The following STK25 variants were observed in gnomAD, a reference collection of about 807,000 sequenced individuals.
STK25 encodes serine/threonine kinase 25.
Under a neutral mutation model 53.8 loss-of-function variants are expected in STK25, and 29 were observed. The ratio of observed to expected loss-of-function variants is 0.54; its 90% CI spans 0.40 to 0.74. The LOEUF (loss-of-function observed/expected upper bound fraction) is 0.74. STK25 is among the 30% of genes least tolerant of loss of function. STK25 has a pLI of 0.00. For synonymous variants in STK25, 247 were observed against 238.3 expected (o/e 1.04, Z -0.33); for missense variants, 420 against 568.0 (o/e 0.74, Z 2.65).
At chr2:241,506,524 T>C (rs554564653) in intron 2 of STK25, among the ~76,000 whole-genome samples, 1 of 152,306 alleles carries the variant, frequency 6.6e-6, no homozygotes, top group South Asian at 2.1e-4. Context: ...TCCCAGCACG[T>C]TGGGAGGCCA....
intron 2 of STK25, among the ~76,000 whole-genome samples, chr2:241,505,436 TGAGA>T (rs2065765599): frequency 6.6e-6 from 1 of 152,174 alleles, no homozygotes; most frequent in African/African-American, 2.4e-5. Flanking sequence ...TAAGGTGGCC[TGAGA>T]GAGGGCCTGG....
chr2:241,506,644 G>A (rs1312429788), intron 2 of STK25, among the ~76,000 whole-genome samples: 2 of 152,188 alleles, frequency 1.3e-5, no homozygotes, highest in East Asian at 1.9e-4. Context: ...GCGCATGCCT[G>A]TAATCCAAGC....
rs754098632 is a variant in STK25 at position 241,493,382 on chromosome 2, C to T, written c.*2280G>A. On this transcript the variant is annotated 3_prime_UTR_variant, in exon 12 of 12. Transcript: ENST00000316586. ...ATGGCATACACAAAGACTATGTTTTCAAGCTCCAGTTCAAATCCCACGTCT... is the reference window on the plus strand; with the variant it reads ...ATGGCATACACAAAGACTATGTTTTTAAGCTCCAGTTCAAATCCCACGTCT... 1 of 1,614,002 alleles carries T rather than the reference C, an allele frequency of 6.2e-7. No homozygotes were observed. The highest frequency in any genetic ancestry group is 1.1e-5 in the South Asian group (1 of 91,086).
At chr2:241,498,912 G>A (rs761390024) in intron 7 of STK25, 77 bp downstream of exon 7, 3 of 1,609,422 alleles carry the variant, frequency 1.9e-6, no homozygotes, top group Non-Finnish European at 2.5e-6. Flanking sequence ...GGGCCTCCGG[G>A]CTGTGCCGCC....
chr2:241,495,241 A>T lies in STK25; in HGVS notation c.*421T>A, dbSNP rs879698356. ...GCCCCGGGAGGACAGCGGCCAGGACACTCCTCTGGGGGCTGCCCTGTTGCC... is the reference window on the plus strand; with the variant it reads ...GCCCCGGGAGGACAGCGGCCAGGACTCTCCTCTGGGGGCTGCCCTGTTGCC... On this transcript the variant is annotated 3_prime_UTR_variant, in exon 12 of 12. Transcript: ENST00000316586. The T allele has an allele frequency of 5.7e-6, 1 of 175,772 alleles. No homozygotes were observed. The highest frequency in any genetic ancestry group is 1.5e-4 in the East Asian group (1 of 6,562). 10.9% of individuals were successfully genotyped at this position (175,772 alleles called of 1,614,324 possible).
chr2:241,505,645 C>CA (rs2065779217), intron 2 of STK25, among the ~76,000 whole-genome samples: 1 of 152,210 alleles, frequency 6.6e-6, no homozygotes, highest in Admixed American at 6.5e-5. Flanking sequence ...CCTGGGTGGG[C>CA]ACTCAGACCT....
Position 241,499,566 on chromosome 2 carries a change from CAGGGCCACCT to C in STK25, c.428-162_428-153del. 4.0e-6 allele frequency: 4 copies of C among 1,008,718 alleles called. No homozygotes were observed. The South Asian group carries it at 6.8e-5, about 17-fold the overall frequency. The allele number at this position is 1,008,718 out of a possible 1,614,324, so 62.5% of individuals were successfully genotyped here. ...CAGCCCTCCTTGCCACTCTCAAACC[CAGGGCCACCT>C]AGGGCCACAGGGGCACTGCCAGCAG... On this transcript the variant is annotated intron_variant, in intron 5 of 11. Transcript: ENST00000316586.
At position 241,499,511 on chromosome 2, in the gene STK25, TAGGGCACAGC is replaced by T. The variant is rs2065377852; in HGVS notation, c.428-107_428-98del. ...CCAGGGTACCATCCACCTGGCCTCC[TAGGGCACAGC>T]AGGGCTGTCCTCAGGACCTCAGCCC... is the stretch of plus-strand genomic sequence containing the variant. On this transcript the variant is annotated intron_variant, in intron 5 of 11. Transcript: ENST00000316586. The T allele has an allele frequency of 5.4e-6, 8 of 1,470,094 alleles. No individual in the cohort carries two copies. In the Admixed American group the frequency reaches 1.6e-4, roughly 30 times the overall value. 91.1% of individuals were successfully genotyped at this position (1,470,094 alleles called of 1,614,324 possible).
At position 241,499,302 on chromosome 2, in the gene STK25, G is replaced by T. The variant is rs1437850863; in HGVS notation, c.540C>A (p.Phe180Leu). 1 of 1,613,958 alleles carries T rather than the reference G, an allele frequency of 6.2e-7. No individual in the cohort carries two copies. The highest frequency in any genetic ancestry group is 8.5e-7 in the Non-Finnish European group (1 of 1,180,016). ...GCTTGATGACCTCAGGTGCCATCCA[G>T]AAGGGGGTGCCCACGAATGTGTTCC... ...IKRNTFVGTP[F>L]WMAPEVIKQS... The change falls in exon 6 of 12, where the codon TTC becomes TTA. Residue 180 changes from phenylalanine to leucine, a missense_variant. Physicochemically the swap from Phe to Leu is conservative, Grantham distance 22. Coordinates refer to ENST00000316586, the MANE Select transcript of STK25 (RefSeq NM_001271977.2).
intron 2 of STK25, among the ~76,000 whole-genome samples, chr2:241,505,894 G>C (rs1157261909): frequency 7.4e-5 from 10 of 134,282 alleles, no homozygotes; most frequent in Admixed American, 7.2e-4. Context: ...TGGCCTGGAT[G>C]ATCACTCGGG....
At chr2:241,508,236 C>G (rs1322460951) in intron 1 of STK25, 101 bp from the exon 2 acceptor site, 1 of 1,313,522 alleles carries the variant, frequency 7.6e-7, no homozygotes, top group African/African-American at 1.6e-5. Flanking sequence ...AGGAGACCCC[C>G]CAGGCCGCCG....
intron 9 of STK25, 110 bp from the exon 10 acceptor site, chr2:241,497,797 T>C: frequency 8.8e-7 from 1 of 1,141,290 alleles, no homozygotes; most frequent in Non-Finnish European, 1.3e-6. Flanking sequence ...GGGAGCAGCC[T>C]GTCGGGGCAC....
chr2:241,508,285 G>C, intron 1 of STK25, 150 bp from the exon 2 acceptor site: 1 of 1,270,750 alleles, frequency 7.9e-7, no homozygotes, highest in African/African-American at 1.6e-5. Flanking sequence ...CAGGCTCCCG[G>C]GGGCTCGCCG....
chr2:241,498,252 G>A lies in STK25; in HGVS notation c.1015C>T (p.Leu339=), dbSNP rs778144128. The A allele has an allele frequency of 6.2e-7, 1 of 1,612,666 alleles. No homozygotes were observed. Among genetic ancestry groups the A allele is most frequent in the Non-Finnish European group, 8.5e-7 (1 of 1,178,950 alleles). The change falls in exon 9 of 12, where the codon CTG becomes TTG. Residue 339 remains leucine (L), a synonymous_variant. Coordinates refer to ENST00000316586, the MANE Select transcript of STK25 (RefSeq NM_001271977.2). ...GAACAGACCTTCTGTGAACTGTGCA[G>A]GGCCGTCCCCTTGTGAAGCTTGCTG... ...PHSKLHKGTA[L]HSSQKPAEPV...
chr2:241,497,265 A>C (rs1358726662), intron 10 of STK25: 1 of 227,598 alleles, frequency 4.4e-6, no homozygotes, highest in Non-Finnish European at 8.7e-6. Context: ...ACTGCCCATC[A>C]GCAGGTGACG....
chr2:241,492,946 T>C lies in STK25; in HGVS notation c.*2716A>G, dbSNP rs769980116. On this transcript the variant is annotated 3_prime_UTR_variant, in exon 12 of 12. Coordinates refer to ENST00000316586, the MANE Select transcript of STK25 (RefSeq NM_001271977.2). ...ATTGACAGAACCAGCTTTCAGGATA[T>C]CTGCTAAGAAAGTTCAAAAACAGTC... 2 of 1,609,144 alleles carry C rather than the reference T, an allele frequency of 1.2e-6. No individual in the cohort carries two copies. The highest frequency in any genetic ancestry group is 2.7e-5 in the African/African-American group (2 of 74,844).
rs1001900399 is a variant in STK25 at position 241,496,303 on chromosome 2, T to G, written c.1241+95A>C. On this transcript the variant is annotated intron_variant, in intron 11 of 11. Transcript: ENST00000316586. The surrounding 1 kb of genome is among the most constrained non-coding windows in gnomAD (Gnocchi z 5.8). Reference sequence around the variant, plus strand: ...TGAAGCGAGCCCATGTAGTGCCAAATGCAGCCACACCCACGAGTGAGCACT... The same window carrying G: ...TGAAGCGAGCCCATGTAGTGCCAAAGGCAGCCACACCCACGAGTGAGCACT... 1.4e-6 allele frequency: 2 copies of G among 1,470,914 alleles called. No homozygotes were observed. The highest frequency in any genetic ancestry group is 2.5e-5 in the South Asian group (2 of 80,796). The allele number at this position is 1,470,914 out of a possible 1,614,324, so 91.1% of individuals were successfully genotyped here. A position where few individuals can be genotyped will look rare whatever the true frequency, so the allele number is the denominator to read the frequency against.
intron 10 of STK25, 83 bp downstream of exon 10, chr2:241,497,533 C>T: frequency 7.1e-7 from 1 of 1,399,978 alleles, no homozygotes; most frequent in Non-Finnish European, 1.0e-6. Context: ...CCCCACAGTG[C>T]TGTGAGGGAG....
At position 241,492,964 on chromosome 2, in the gene STK25, A is replaced by C. The variant is rs774148238; in HGVS notation, c.*2698T>G. The stretch of plus-strand genomic sequence containing the variant: ...CAGGATATCTGCTAAGAAAGTTCAA[A>C]AACAGTCATGGCTGGCAGAAGCTCT... On this transcript the variant is annotated 3_prime_UTR_variant, in exon 12 of 12. Coordinates refer to ENST00000316586, the MANE Select transcript of STK25 (RefSeq NM_001271977.2). 1.2e-5 allele frequency: 19 copies of C among 1,613,088 alleles called. No individual in the cohort carries two copies. Among genetic ancestry groups the C allele is most frequent in the Non-Finnish European group, 1.6e-5 (19 of 1,179,048 alleles).
Sources: gnomAD v4.1 joint callset for allele counts (sites outside exome capture counted in the v4.1 genomes callset) on GRCh38, gnomAD v4.1.1 for gene constraint, Gnocchi (gnomAD v3.1) non-coding constraint, MANE v1.5 for transcripts, NCBI Gene and HGNC (gene_info 2026-07-23, HGNC 2026-07-21) for gene names.